LRP1B: variants seen among roughly 807,000 people sequenced by gnomAD.
LRP1B encodes the protein low-density lipoprotein receptor-related protein 1B.
A neutral mutation model predicts 556.6 loss-of-function variants in LRP1B; 217 were observed. The ratio of observed to expected loss-of-function variants is 0.39; its 90% CI spans 0.35 to 0.44. LRP1B has a LOEUF of 0.44. Among genes scored for constraint, LRP1B ranks in the 20% least tolerant of loss-of-function variants. The pLI, the probability that LRP1B is intolerant of heterozygous loss-of-function variation, is 1.00. For missense variants in LRP1B, 5,053 were observed against 5,620.8 expected (o/e 0.90, Z 3.23); for synonymous variants, 2,047 against 1,865.8 (o/e 1.10, Z -2.50).
chr2:140,258,828 T>C (rs183731746), intron 86 of LRP1B, among the ~76,000 whole-genome samples: 207 of 152,246 alleles, frequency 1.4e-3, no homozygotes, highest in East Asian at 9.7e-4. Flanking sequence ...TTGTGCCTTG[T>C]TTACCATTAA....
At chr2:141,604,502 A>C (rs1232438556) in intron 2 of LRP1B, among the ~76,000 whole-genome samples, 1 of 152,106 alleles carries the variant, frequency 6.6e-6, no homozygotes, top group Non-Finnish European at 1.5e-5. Context: ...CCTGAAAACC[A>C]AGCTACAAGT....
intron 2 of LRP1B, among the ~76,000 whole-genome samples, chr2:141,503,265 ATATAATACC>A (rs1683797964): frequency 1.4e-5 from 2 of 145,534 alleles, no homozygotes; most frequent in Non-Finnish European, 3.0e-5. Flanking sequence ...ATATAATAAT[ATATAATACC>A]ATAATATACA....
chr2:141,012,120 C>T (rs908063800), intron 14 of LRP1B, among the ~76,000 whole-genome samples: 2 of 151,916 alleles, frequency 1.3e-5, no homozygotes, highest in African/African-American at 4.8e-5. Context: ...AAGGAGATGT[C>T]AGGACCCAGA....
rs2105425750 is a variant in LRP1B at position 140,701,731 on chromosome 2, T to C, written c.6417A>G (p.Val2139=). 1.2e-6 allele frequency: 2 copies of C among 1,612,656 alleles called. No homozygotes were observed. Among genetic ancestry groups the C allele is most frequent in the Non-Finnish European group, 1.7e-6 (2 of 1,179,086 alleles). The change falls in exon 40 of 91, where the codon GTA becomes GTG. Residue 2139 remains valine (V), a synonymous_variant. Coordinates refer to ENST00000389484, the MANE Select transcript of LRP1B (RefSeq NM_018557.3). ...NLKEVKIFNR[V]REKGTNVCAR... ...TTCAAGAGTGCTGACCTTTCTCTCT[T>C]ACTCGGTTAAATATTTTAACCTCCT...
At chr2:140,787,681 C>T (rs1233176598) in intron 32 of LRP1B, among the ~76,000 whole-genome samples, 1 of 148,636 alleles carries the variant, frequency 6.7e-6, no homozygotes, top group Non-Finnish European at 1.5e-5. Flanking sequence ...GGCAATCCTC[C>T]TAGCTCAGCC....
intron 20 of LRP1B, among the ~76,000 whole-genome samples, chr2:140,939,625 A>G (rs951282320): frequency 2.0e-5 from 3 of 150,966 alleles, no homozygotes; most frequent in Non-Finnish European, 4.4e-5. Flanking sequence ...ATGACCCAGC[A>G]TTACTCTGAG....
chr2:141,706,959 T>C (rs554105952), intron 2 of LRP1B, among the ~76,000 whole-genome samples: 1 of 152,254 alleles, frequency 6.6e-6, no homozygotes, highest in South Asian at 2.1e-4. Context: ...AGGTATATAC[T>C]GTACATTATT....
intron 41 of LRP1B, among the ~76,000 whole-genome samples, chr2:140,699,505 C>A (rs1325489869): frequency 6.6e-6 from 1 of 151,432 alleles, no homozygotes; most frequent in African/African-American, 2.4e-5. Context: ...TATTATTTTG[C>A]AATTTAGAAA....
intron 4 of LRP1B, among the ~76,000 whole-genome samples, chr2:141,249,329 G>A (rs1684180059): frequency 6.6e-6 from 1 of 152,230 alleles, no homozygotes; most frequent in Non-Finnish European, 1.5e-5. Flanking sequence ...GGACGCAGTG[G>A]CTCAGGCCTG....
chr2:141,854,533 T>C (rs1697982217), intron 1 of LRP1B, among the ~76,000 whole-genome samples: 1 of 152,098 alleles, frequency 6.6e-6, no homozygotes, highest in African/African-American at 2.4e-5. Flanking sequence ...GTTTTGATGC[T>C]TTCCACCTGC....
intron 29 of LRP1B, among the ~76,000 whole-genome samples, chr2:140,847,999 A>C (rs1692328197): frequency 6.6e-6 from 1 of 152,180 alleles, no homozygotes; most frequent in African/African-American, 2.4e-5. Context: ...TTAAAGACAG[A>C]AAATTGTCTC....
chr2:142,122,953 G>C (rs1399626836), intron 1 of LRP1B, among the ~76,000 whole-genome samples: 1 of 151,946 alleles, frequency 6.6e-6, no homozygotes, highest in Non-Finnish European at 1.5e-5. Context: ...ATCTATTTTA[G>C]CAAAAGTTTA....
At chr2:142,026,697 G>A (rs140445543) in intron 1 of LRP1B, among the ~76,000 whole-genome samples, 26 of 152,078 alleles carry the variant, frequency 1.7e-4, no homozygotes, top group Middle Eastern at 3.4e-3. Flanking sequence ...GTGGGAACTG[G>A]GGGAACTTCG....
chr2:140,440,234 C>A (rs911181091), intron 66 of LRP1B, among the ~76,000 whole-genome samples: 1 of 152,006 alleles, frequency 6.6e-6, no homozygotes, highest in African/African-American at 2.4e-5. Flanking sequence ...AGTATGGACA[C>A]AAACTGAAAT....
chr2:140,607,396 C>T (rs1682906717), intron 41 of LRP1B, among the ~76,000 whole-genome samples: 1 of 151,848 alleles, frequency 6.6e-6, no homozygotes, highest in Non-Finnish European at 1.5e-5. Flanking sequence ...ACCAAGTGAC[C>T]CAGCTTTTCT....
intron 1 of LRP1B, among the ~76,000 whole-genome samples, chr2:141,918,834 C>T (rs550756924): frequency 2.7e-4 from 41 of 152,240 alleles, no homozygotes; most frequent in Admixed American, 2.3e-3. Context: ...TTAGCTATGA[C>T]AAATCTATCC....
chr2:140,936,005 A>ATG (rs558822517), intron 20 of LRP1B, among the ~76,000 whole-genome samples: 338 of 149,106 alleles, frequency 2.3e-3, no homozygotes, highest in Middle Eastern at 0.021. Context: ...CTGTGTGTAT[A>ATG]TGTGTGTGTG....
chr2:141,685,322 T>C (rs1173710233), intron 2 of LRP1B, among the ~76,000 whole-genome samples: 2 of 152,106 alleles, frequency 1.3e-5, no homozygotes, highest in Admixed American at 1.3e-4. Flanking sequence ...TTTGGGACTT[T>C]TGATCTGACA....
chr2:142,020,711 CTAAA>C (rs1215021577), intron 1 of LRP1B, among the ~76,000 whole-genome samples: 1 of 151,912 alleles, frequency 6.6e-6, no homozygotes, highest in Non-Finnish European at 1.5e-5. Flanking sequence ...CTAAAAAAGA[CTAAA>C]TAAATAAATA....
Sources: allele counts gnomAD v4.1 joint callset (sites outside exome capture counted in the v4.1 genomes callset), GRCh38; gene constraint gnomAD v4.1.1; transcripts MANE v1.5; gene names NCBI Gene and HGNC (gene_info 2026-07-23, HGNC 2026-07-21).